LARGE1: variants seen among roughly 807,000 people sequenced by gnomAD.
LARGE1 encodes LARGE xylosyl- and glucuronyltransferase 1, also known as xylosyl- and glucuronyltransferase LARGE1.
Under a neutral mutation model 87.6 loss-of-function variants are expected in LARGE1, and 43 were observed. That is an observed-to-expected ratio of 0.49 (90% CI 0.38 to 0.63). LARGE1 has a LOEUF of 0.63. Ranked by LOEUF, LARGE1 falls within the 30% of genes least tolerant of loss-of-function variation. LARGE1 has a pLI of 0.00. For synonymous variants in LARGE1, 434 were observed against 394.6 expected (o/e 1.10, Z -1.18); for missense variants, 802 against 1,000.2 (o/e 0.80, Z 2.67).
intron 11 of LARGE1, among the ~76,000 whole-genome samples, chr22:33,264,889 CTTTTTTTTTTTTT>C (rs200074908): frequency 6.2e-4 from 46 of 74,376 alleles, no homozygotes; most frequent in Middle Eastern, 0.015. Flanking sequence ...TGATCAAATT[CTTTTTTTTTTTTT>C]TTTTTTTTTT....
intron 1 of LARGE1, among the ~76,000 whole-genome samples, chr22:33,814,734 G>A (rs1291366605): frequency 6.6e-6 from 1 of 152,026 alleles, no homozygotes; most frequent in East Asian, 1.9e-4. Context: ...ATGTGTGTGT[G>A]TGTGTGTGTG....
chr22:33,072,863 G>C, the LARGE1 span, among the ~76,000 whole-genome samples: 1 of 152,220 alleles, frequency 6.6e-6, no homozygotes, highest in African/African-American at 2.4e-5. Flanking sequence ...TGCCAATGAA[G>C]GTTGTTCGTA....
intron 11 of LARGE1, among the ~76,000 whole-genome samples, chr22:33,304,878 G>A (rs1365299680): frequency 6.6e-6 from 1 of 152,150 alleles, no homozygotes; most frequent in Non-Finnish European, 1.5e-5. Context: ...GATCTCCTAA[G>A]GCAGTGACCA....
At chr22:33,185,853 G>A (rs1923445647) in intron 11 of LARGE1, among the ~76,000 whole-genome samples, 1 of 152,032 alleles carries the variant, frequency 6.6e-6, no homozygotes, top group African/African-American at 2.4e-5. Flanking sequence ...AACAAAAGAA[G>A]CTCTATTACT....
At chr22:33,451,427 G>A (rs778710555) in intron 6 of LARGE1, among the ~76,000 whole-genome samples, 21 of 151,780 alleles carry the variant, frequency 1.4e-4, no homozygotes, top group Non-Finnish European at 2.6e-4. Context: ...GTTCTTTAGC[G>A]GTGACTTCCG....
At chr22:33,402,308 G>A (rs2065951913) in intron 7 of LARGE1, among the ~76,000 whole-genome samples, 1 of 152,158 alleles carries the variant, frequency 6.6e-6, no homozygotes, top group Non-Finnish European at 1.5e-5. Context: ...TTATAGATGA[G>A]GAAACCAAGA....
intron 11 of LARGE1, among the ~76,000 whole-genome samples, chr22:33,263,320 C>G (rs1035762999): frequency 6.6e-6 from 1 of 152,160 alleles, no homozygotes; most frequent in Non-Finnish European, 1.5e-5. Flanking sequence ...ATGAGCAGGA[C>G]CTGGGAATAC....
intron 7 of LARGE1, among the ~76,000 whole-genome samples, chr22:33,387,088 A>C (rs1197096721): frequency 6.8e-6 from 1 of 146,802 alleles, no homozygotes; most frequent in East Asian, 1.9e-4. Flanking sequence ...TAGGTAACTG[A>C]GCAAGACTCC....
intron 3 of LARGE1, among the ~76,000 whole-genome samples, chr22:33,638,289 T>C (rs1393947996): frequency 2.6e-5 from 4 of 152,230 alleles, no homozygotes; most frequent in Admixed American, 2.6e-4. Flanking sequence ...TTTATAAACA[T>C]GTTGCCTCCA....
rs2086315595 is a variant in LARGE1, at chr22:33,806,555, GACATCTCCTCA to G, written c.-82-45008_-82-44998del. ...ATTACATTGAAATTACCTGCAATGT[GACATCTCCTCA>G]ACTATAAGCTCCTTGAAAACGGGGC... On this transcript the variant is annotated intron_variant, in intron 1 of 14. Transcript: ENST00000397394. 2.0e-5 allele frequency among the ~76,000 whole-genome samples: 3 copies of G among 152,144 alleles called. No individual in the cohort carries two copies. The South Asian group carries it at 6.2e-4, about 31-fold the overall frequency.
At chr22:33,319,489 G>A (rs545136256) in intron 10 of LARGE1, among the ~76,000 whole-genome samples, 11 of 152,170 alleles carry the variant, frequency 7.2e-5, no homozygotes, top group South Asian at 2.1e-4. Context: ...TCTGCCTCCC[G>A]GGTTCAAGTG....
downstream of LARGE1, among the ~76,000 whole-genome samples, chr22:33,158,401 T>C (rs1180979317): frequency 6.6e-6 from 1 of 152,172 alleles, no homozygotes; most frequent in Non-Finnish European, 1.5e-5. Flanking sequence ...TGAACATCAA[T>C]TGACACAACT....
At chr22:33,662,853 A>G (rs1489793465) in intron 2 of LARGE1, among the ~76,000 whole-genome samples, 1 of 152,200 alleles carries the variant, frequency 6.6e-6, no homozygotes, top group East Asian at 1.9e-4. Flanking sequence ...TCCATTGTAA[A>G]TTAAAAACAA....
chr22:33,128,061 G>C, the LARGE1 span, among the ~76,000 whole-genome samples: 1 of 152,104 alleles, frequency 6.6e-6, no homozygotes. Flanking sequence ...GTTCTGTTCA[G>C]AGAAAAACCT....
intron 1 of LARGE1, among the ~76,000 whole-genome samples, chr22:33,872,640 T>C (rs2064330746): frequency 6.6e-6 from 1 of 152,032 alleles, no homozygotes; most frequent in Non-Finnish European, 1.5e-5. Flanking sequence ...TAGGGCTCCC[T>C]GGGAGCTGGT....
At chr22:33,918,318 G>A (rs918664473) in intron 1 of LARGE1, among the ~76,000 whole-genome samples, 7 of 152,106 alleles carry the variant, frequency 4.6e-5, no homozygotes, top group African/African-American at 7.2e-5. Flanking sequence ...AGAGCAATCC[G>A]ATCTTCCCGT....
intron 6 of LARGE1, among the ~76,000 whole-genome samples, chr22:33,487,219 A>T (rs1005717516): frequency 6.6e-6 from 1 of 152,212 alleles, no homozygotes. Context: ...CTGAGCCTGT[A>T]CCATCAACAA....
At chr22:33,580,473 C>T (rs1244238236) in intron 5 of LARGE1, among the ~76,000 whole-genome samples, 1 of 151,822 alleles carries the variant, frequency 6.6e-6, no homozygotes, top group East Asian at 1.9e-4. Context: ...CTTACAGAAT[C>T]GAGCTGCTGG....
chr22:33,179,717 G>C (rs1001571021), intron 11 of LARGE1, among the ~76,000 whole-genome samples: 2 of 152,126 alleles, frequency 1.3e-5, no homozygotes, highest in African/African-American at 2.4e-5. Context: ...TTTCTATTTG[G>C]ATTCAGTTAG....
Sources: gnomAD v4.1 joint callset for allele counts (sites outside exome capture counted in the v4.1 genomes callset) on GRCh38, gnomAD v4.1.1 for gene constraint, MANE v1.5 for transcripts, NCBI Gene and HGNC (gene_info 2026-07-23, HGNC 2026-07-21) for gene names.